Variants in OSBPL1A observed in about 807,000 individuals in gnomAD.
The protein encoded by OSBPL1A is oxysterol binding protein like 1A.
In OSBPL1A, 80 loss-of-function variants were observed where a neutral mutation model predicts 137.1. The observed-to-expected ratio is 0.58, with a 90% CI of 0.49 to 0.70. The LOEUF is 0.70. Among genes scored for constraint, OSBPL1A ranks in the 30% least tolerant of loss-of-function variants. The pLI is 0.00. For synonymous variants in OSBPL1A, 365 were observed against 389.7 expected, an observed-to-expected ratio of 0.94 and a Z score of 0.75; for missense variants, 970 against 1,129.4, an observed-to-expected ratio of 0.86 and a Z score of 2.02.
chr18:24,277,772 T>G (rs1378936587), intron 15 of OSBPL1A, among the ~76,000 whole-genome samples: 1 of 152,230 alleles, frequency 6.6e-6, no homozygotes, highest in Non-Finnish European at 1.5e-5. Flanking sequence ...AAAGACTAAC[T>G]TTAGAAATGC....
chr18:24,311,080 G>C (rs1335679254), intron 13 of OSBPL1A, among the ~76,000 whole-genome samples: 1 of 152,080 alleles, frequency 6.6e-6, no homozygotes, highest in Non-Finnish European at 1.5e-5. Flanking sequence ...AACAAACATG[G>C]GAGAGTTCAA....
intron 18 of OSBPL1A, among the ~76,000 whole-genome samples, chr18:24,194,041 TA>T: frequency 6.6e-6 from 1 of 152,214 alleles, no homozygotes; most frequent in Non-Finnish European, 1.5e-5. Context: ...GACAGATTGC[TA>T]GTCACCTTCA....
chr18:24,167,392 T>A lies in OSBPL1A; in HGVS notation c.2472A>T (p.Val824=), dbSNP rs1476385148. ...GAAGAACGCTTCCAGGGATAATGAA[T>A]ACACTTTCAGAATCCGGCACTGGCA... The part of the protein sequence containing the change: ...DEMPVPDSES[V]FIIPGSVLLW... Residue 824 remains valine, a synonymous_variant, in exon 25 of 28, where the codon GTA becomes GTT. Transcript: ENST00000319481. The A allele has an allele frequency of 6.2e-7, 1 of 1,614,200 alleles. No homozygotes were observed. The highest frequency in any genetic ancestry group is 8.5e-7 in the Non-Finnish European group (1 of 1,180,036).
At chr18:24,372,509 G>A (rs1286166073) in intron 2 of OSBPL1A, among the ~76,000 whole-genome samples, 1 of 152,178 alleles carries the variant, frequency 6.6e-6, no homozygotes, top group African/African-American at 2.4e-5. Context: ...CCTCCCACAT[G>A]TGTATTCACA....
At position 24,181,254 on chromosome 18, in the gene OSBPL1A, A is replaced by G; in HGVS notation, c.1703T>C (p.Val568Ala). 1 of 1,614,180 alleles carries G rather than the reference A, an allele frequency of 6.2e-7. No homozygotes were observed. The highest frequency in any genetic ancestry group is 8.5e-7 in the Non-Finnish European group (1 of 1,180,024). ...GMELSKITMP[V>A]IFNEPLSFLQ... ...GAAGCTCAGAGGCTCATTAAATATAACTGGCATCGTGATCTTGGATAGTTC... is the reference window on the plus strand; with the variant it reads ...GAAGCTCAGAGGCTCATTAAATATAGCTGGCATCGTGATCTTGGATAGTTC... The change falls in exon 19 of 28, where the codon GTT becomes GCT. Residue 568 changes from valine (V) to alanine (A), a missense_variant. By Grantham distance (64) the Val-to-Ala change is moderately conservative. Coordinates refer to ENST00000319481, the MANE Select transcript of OSBPL1A (RefSeq NM_080597.4).
intron 17 of OSBPL1A, among the ~76,000 whole-genome samples, chr18:24,198,875 TGAGA>T (rs1397096092): frequency 6.6e-6 from 1 of 150,628 alleles, no homozygotes; most frequent in African/African-American, 2.4e-5. Flanking sequence ...TTTTTTTTTT[TGAGA>T]GAGAGTCACA....
chr18:24,219,907 A>G (rs1251732753), intron 17 of OSBPL1A, among the ~76,000 whole-genome samples: 1 of 152,144 alleles, frequency 6.6e-6, no homozygotes, highest in Non-Finnish European at 1.5e-5. Flanking sequence ...AAGTGACCCC[A>G]TGGCCTAGCA....
intron 16 of OSBPL1A, among the ~76,000 whole-genome samples, chr18:24,238,568 A>G (rs1172384548): frequency 6.6e-6 from 1 of 152,238 alleles, no homozygotes; most frequent in Non-Finnish European, 1.5e-5. Context: ...GACCTATTGA[A>G]ATGGACACTA....
intron 18 of OSBPL1A, among the ~76,000 whole-genome samples, chr18:24,194,014 G>A (rs181359434): frequency 4.6e-5 from 7 of 152,236 alleles, no homozygotes; most frequent in East Asian, 3.9e-4. Flanking sequence ...GGTTAGTCTC[G>A]ATTTGGACGT....
At chr18:24,272,035 C>A (rs2146059481) in intron 15 of OSBPL1A, 1 of 982,000 alleles carries the variant, frequency 1.0e-6, no homozygotes, top group East Asian at 1.1e-4. Flanking sequence ...CGGCGGGCAG[C>A]GTCCGGGCCG....
chr18:24,282,698 G>A lies in OSBPL1A; in HGVS notation c.1175-1750C>T, dbSNP rs910738025. Among the ~76,000 whole-genome samples the A allele has an allele frequency of 3.9e-5, 6 of 152,080 alleles. No homozygotes were observed. The East Asian group carries it at 7.7e-4, about 19-fold the overall frequency. On this transcript the variant is annotated intron_variant, in intron 14 of 27. Coordinates refer to ENST00000319481, the MANE Select transcript of OSBPL1A (RefSeq NM_080597.4). Reference sequence around the variant, plus strand: ...GTTTCTGATATTTTGTTAATTAGACGTTAAGATCCTTTAAATCTGTCCCTT... The same window carrying A: ...GTTTCTGATATTTTGTTAATTAGACATTAAGATCCTTTAAATCTGTCCCTT...
intron 1 of OSBPL1A, among the ~76,000 whole-genome samples, chr18:24,381,619 A>T (rs992568578): frequency 3.3e-5 from 5 of 152,162 alleles, no homozygotes; most frequent in South Asian, 2.1e-4. Flanking sequence ...TAATATTTTT[A>T]AAATGTTAGC....
At chr18:24,320,165 A>AT (rs1174641776) in intron 7 of OSBPL1A, among the ~76,000 whole-genome samples, 1 of 151,864 alleles carries the variant, frequency 6.6e-6, no homozygotes, top group Non-Finnish European at 1.5e-5. Flanking sequence ...TGTGTTGGCA[A>AT]TTTTTTTGTA....
rs116738145 is a variant in OSBPL1A at position 24,335,733 on chromosome 18, A to T, written c.395-1403T>A. 5.1e-3 allele frequency among the ~76,000 whole-genome samples: 781 copies of T among 152,318 alleles called. 6 individuals carry two copies. Among genetic ancestry groups the T allele is most frequent in the African/African-American group, 0.017 (719 of 41,582 alleles). On this transcript the variant is annotated intron_variant, in intron 5 of 27. Coordinates refer to ENST00000319481, the MANE Select transcript of OSBPL1A (RefSeq NM_080597.4). ...AGCCAGGTGACTGGGGAAACAGATGAACATTTGTTAACAGTAATCACTATG... is the reference window on the plus strand; with the variant it reads ...AGCCAGGTGACTGGGGAAACAGATGTACATTTGTTAACAGTAATCACTATG...
At position 24,163,207 on chromosome 18, in the gene OSBPL1A, T is replaced by C. The variant is rs2086059735; in HGVS notation, c.2825A>G (p.Asn942Ser). Residue 942 changes from asparagine to serine, a missense_variant, in exon 28 of 28, where the codon AAT (asparagine) becomes AGT (serine). Asn to Ser is a conservative substitution (Grantham distance 46). Around this residue, in one of 2 missense-constraint regions of OSBPL1A, gnomAD observed 323 missense variants for 456.8 expected, o/e 0.71. Coordinates refer to ENST00000319481, the MANE Select transcript of OSBPL1A (RefSeq NM_080597.4). ...ATAAATGTCAGGCAAATTGAAGTAATTTCTGTCCCAGTAGCTGCCAGAGTA... is the reference window on the plus strand; with the variant it reads ...ATAAATGTCAGGCAAATTGAAGTAACTTCTGTCCCAGTAGCTGCCAGAGTA... The part of the protein sequence containing the change: ...WIYSGSYWDR[N>S]YFNLPDIY The C allele has an allele frequency of 4.3e-6, 7 of 1,612,950 alleles. No homozygotes were observed. Among genetic ancestry groups the C allele is most frequent in the Non-Finnish European group, 5.9e-6 (7 of 1,179,060 alleles).
At position 24,239,270 on chromosome 18, in the gene OSBPL1A, G is replaced by A. The variant is rs1183625877; in HGVS notation, c.1394C>T (p.Ser465Phe). Reference protein sequence around the residue: ...HELEQSLVKGSPPASILSEDE... With the variant: ...HELEQSLVKGFPPASILSEDE... ...CTCGCTAAGGATGCTGGCGGGTGGAGAGCCTTTCACCAGAGACTGCTCTAA... is the reference window on the plus strand; with the variant it reads ...CTCGCTAAGGATGCTGGCGGGTGGAAAGCCTTTCACCAGAGACTGCTCTAA... Residue 465 changes from serine to phenylalanine, a missense_variant, in exon 16 of 28, where the codon TCT (serine) becomes TTT (phenylalanine). Physicochemically the swap from Ser to Phe is radical, Grantham distance 155. Around this residue, in one of 2 missense-constraint regions of OSBPL1A, gnomAD observed 647 missense variants for 672.6 expected, o/e 0.96. Coordinates refer to ENST00000319481, the MANE Select transcript of OSBPL1A (RefSeq NM_080597.4). 1 of 1,614,018 alleles carries A rather than the reference G, an allele frequency of 6.2e-7. No individual in the cohort carries two copies. The highest frequency in any genetic ancestry group is 1.3e-5 in the African/African-American group (1 of 74,928).
chr18:24,180,021 T>C (rs956604894), intron 19 of OSBPL1A, among the ~76,000 whole-genome samples, 186 bp from the exon 20 acceptor site: 2 of 152,260 alleles, frequency 1.3e-5, no homozygotes, highest in South Asian at 4.1e-4. Context: ...AAAATTACTT[T>C]CAGTTGCTTC....
chr18:24,393,543 C>G (rs1197933596), intron 1 of OSBPL1A, among the ~76,000 whole-genome samples: 1 of 152,206 alleles, frequency 6.6e-6, no homozygotes, highest in African/African-American at 2.4e-5. Context: ...AGCTCCTCTT[C>G]CCGGGTTCAC....
intron 17 of OSBPL1A, among the ~76,000 whole-genome samples, chr18:24,200,041 T>C (rs1288047795): frequency 1.3e-5 from 2 of 152,274 alleles, no homozygotes; most frequent in African/African-American, 4.8e-5. Flanking sequence ...TAATTTATTT[T>C]ATTTAACCCA....
Sources: allele counts gnomAD v4.1 joint callset (sites outside exome capture counted in the v4.1 genomes callset), GRCh38; gene constraint gnomAD v4.1.1; regional missense constraint gnomAD v4.1.1; transcripts MANE v1.5; gene names NCBI Gene and HGNC (gene_info 2026-07-23, HGNC 2026-07-21).